Variants in MAPK9 observed in about 807,000 individuals in gnomAD.
MAPK9 encodes mitogen-activated protein kinase 9.
MAPK9 carries 30 observed loss-of-function variants against 57.1 expected under a neutral mutation model. The ratio of observed to expected loss-of-function variants is 0.53; its 90% confidence interval spans 0.39 to 0.71. The LOEUF (loss-of-function observed/expected upper bound fraction) is 0.71. Among genes scored for constraint, MAPK9 ranks in the 30% least tolerant of loss-of-function variants. MAPK9 has a pLI of 0.00. For synonymous variants in MAPK9, 155 were observed against 177.0 expected (o/e 0.88, Z 0.99); for missense variants, 362 against 521.0 (o/e 0.69, Z 2.97).
At chr5:180,282,214 A>G (rs779366055) in intron 1 of MAPK9, among the ~76,000 whole-genome samples, 9 of 152,204 alleles carry the variant, frequency 5.9e-5, no homozygotes, top group Non-Finnish European at 1.2e-4. Flanking sequence ...CATTTTACTG[A>G]TATCTAAAGG....
intron 11 of MAPK9, 163 bp from the exon 12 acceptor site, chr5:180,236,689 C>T: frequency 1.7e-6 from 1 of 596,268 alleles, no homozygotes; most frequent in East Asian, 3.1e-5. Flanking sequence ...CTGAACTTTT[C>T]CTTGAGTCTT....
At chr5:180,267,480 T>C (rs113438372) in intron 3 of MAPK9, among the ~76,000 whole-genome samples, 2 of 143,706 alleles carry the variant, frequency 1.4e-5, no homozygotes, top group Non-Finnish European at 3.0e-5. Context: ...GAGAATGGCG[T>C]GAACCTGGGA....
intron 3 of MAPK9, among the ~76,000 whole-genome samples, chr5:180,267,479 G>C (rs1042965632): frequency 6.6e-6 from 1 of 150,620 alleles, no homozygotes; most frequent in African/African-American, 2.4e-5. Flanking sequence ...GGAGAATGGC[G>C]TGAACCTGGG....
chr5:180,244,961 T>C (rs1174106104), intron 7 of MAPK9, among the ~76,000 whole-genome samples: 1 of 152,090 alleles, frequency 6.6e-6, no homozygotes, highest in Non-Finnish European at 1.5e-5. Context: ...CCCGTCCTCA[T>C]CTCCTCATGT....
chr5:180,246,677 TG>T (rs1277989820), intron 7 of MAPK9: 2 of 152,200 alleles, frequency 1.3e-5, no homozygotes, highest in Non-Finnish European at 2.9e-5. Context: ...ATACTGAGGA[TG>T]GAAGAATGGC....
At chr5:180,276,998 T>C (rs923870168) in intron 2 of MAPK9, among the ~76,000 whole-genome samples, 5 of 152,226 alleles carry the variant, frequency 3.3e-5, no homozygotes, top group Non-Finnish European at 5.9e-5. Context: ...TTCTTCTGGC[T>C]CCAGCTCTTC....
rs530453747 is a variant in MAPK9, at chr5:180,245,598, A to G, written c.688+1841T>C. Among the ~76,000 whole-genome samples, 11 of 152,290 alleles carry G rather than the reference A, an allele frequency of 7.2e-5. No individual in the cohort carries two copies. The South Asian group carries it at 2.3e-3, about 32-fold the overall frequency. The stretch of plus-strand genomic sequence containing the variant: ...ATGAGAGGGACGGGGGAAGGGGAAC[A>G]ATAATTCCGACAAGCCCAGTGGACC... On this transcript the variant is annotated intron_variant, in intron 7 of 11. Transcript: ENST00000452135.
rs369753241 is a variant in MAPK9, at chr5:180,247,425, G to A, written c.688+14C>T. 10 of 1,614,044 alleles carry A rather than the reference G, an allele frequency of 6.2e-6. No homozygotes were observed. Among genetic ancestry groups the A allele is most frequent in the African/African-American group, 5.3e-5 (4 of 74,924 alleles). On this transcript the variant is annotated intron_variant, in intron 7 of 11. Coordinates refer to ENST00000452135, the MANE Select transcript of MAPK9 (RefSeq NM_002752.5). This position sits in a 1 kb window ranked among gnomAD's most constrained non-coding sequence, Gnocchi z 4.5. ...AAGAAAGCATGGCGGGGCCAAGGTC[G>A]CGGGGAAGGATACGGTCAGTGCCTT...
rs369319478 is a variant in MAPK9, at chr5:180,269,370, G to T, written c.162C>A (p.Val54=). 3.0e-5 allele frequency: 48 copies of T among 1,613,920 alleles called. No individual in the cohort carries two copies. The highest frequency in any genetic ancestry group is 3.8e-5 in the Non-Finnish European group (45 of 1,179,910). The change falls in exon 3 of 12, where the codon GTC becomes GTA. Residue 54 remains valine (V), a synonymous_variant. Coordinates refer to ENST00000452135, the MANE Select transcript of MAPK9 (RefSeq NM_002752.5). ...FDTVLGINVA[V]KKLSRPFQNQ... ...TCTGAAAAGGACGGCTTAGTTTCTT[G>T]ACTGCAACATTTATCCCAAGAACTG...
chr5:180,249,403 C>G (rs954426588), intron 5 of MAPK9, among the ~76,000 whole-genome samples: 1 of 152,050 alleles, frequency 6.6e-6, no homozygotes, highest in Non-Finnish European at 1.5e-5. Context: ...CTCAGGCTGT[C>G]CTATCTACCC....
Position 180,236,316 on chromosome 5 carries a change from C to T in MAPK9, c.*68G>A, listed in dbSNP as rs1757167378. The T allele has an allele frequency of 6.6e-7, 1 of 1,511,548 alleles. No homozygotes were observed. The highest frequency in any genetic ancestry group is 1.4e-5 in the African/African-American group (1 of 72,230). 93.6% of individuals were successfully genotyped at this position (1,511,548 alleles called of 1,614,324 possible). A position where few individuals can be genotyped will look rare whatever the true frequency, so the allele number is the denominator to read the frequency against. ...GTTTTTCTATTTGGTTCCATCAACT[C>T]CCAAGCATTTCAGGCCCACGGAGGT... is the stretch of plus-strand genomic sequence containing the variant. On this transcript the variant is annotated 3_prime_UTR_variant, in exon 12 of 12. Coordinates refer to ENST00000452135, the MANE Select transcript of MAPK9 (RefSeq NM_002752.5).
intron 5 of MAPK9, among the ~76,000 whole-genome samples, chr5:180,257,245 C>T (rs1759384698): frequency 6.6e-6 from 1 of 152,158 alleles, no homozygotes; most frequent in African/African-American, 2.4e-5. Flanking sequence ...GTGGGCTCTA[C>T]CCCCAAGGGA....
Position 180,236,301 on chromosome 5 carries a change from T to A in MAPK9, c.*83A>T. 1 of 1,427,742 alleles carries A rather than the reference T, an allele frequency of 7.0e-7. No homozygotes were observed. The highest frequency in any genetic ancestry group is 1.5e-5 in the South Asian group (1 of 68,270). The allele number at this position is 1,427,742 out of a possible 1,614,324, so 88.4% of individuals were successfully genotyped here. Reference sequence around the variant, plus strand: ...CATGCAGAACATGGAGTTTTTCTATTTGGTTCCATCAACTCCCAAGCATTT... The same window carrying A: ...CATGCAGAACATGGAGTTTTTCTATATGGTTCCATCAACTCCCAAGCATTT... On this transcript the variant is annotated 3_prime_UTR_variant, in exon 12 of 12. Transcript: ENST00000452135.
At chr5:180,237,123 T>C (rs957348775) in intron 11 of MAPK9, 5 of 152,206 alleles carry the variant, frequency 3.3e-5, no homozygotes, top group African/African-American at 9.6e-5. Context: ...CTTCCTACTA[T>C]CCATATTTTA....
chr5:180,279,237 T>C (rs1762099287), intron 2 of MAPK9, among the ~76,000 whole-genome samples: 1 of 152,192 alleles, frequency 6.6e-6, no homozygotes. Flanking sequence ...ATTACAGGCG[T>C]GAGCCACCGT....
intron 2 of MAPK9, 49 bp downstream of exon 2, chr5:180,280,391 T>C: frequency 6.3e-7 from 1 of 1,582,208 alleles, no homozygotes; most frequent in Non-Finnish European, 8.6e-7. Context: ...GTTTTACTTT[T>C]TATTACAGCA....
In MAPK9 at chr5:180,249,153, G is replaced by C. The variant is rs1159143470; in HGVS notation, c.451-15C>G. On this transcript the variant is annotated splice_polypyrimidine_tract_variant and intron_variant, in intron 5 of 11. Transcript: ENST00000452135. ...GGCTTCAAATCCTAGGAAAGAAATG[G>C]CTTAAATTAGTAAAATGAATGAAGC... 1 of 1,596,608 alleles carries C rather than the reference G, an allele frequency of 6.3e-7. No homozygotes were observed. Among genetic ancestry groups the C allele is most frequent in the Non-Finnish European group, 8.5e-7 (1 of 1,170,692 alleles).
At chr5:180,242,481 C>A in intron 8 of MAPK9, 92 bp downstream of exon 8, 1 of 1,272,810 alleles carries the variant, frequency 7.9e-7, no homozygotes, top group Non-Finnish European at 1.1e-6. Context: ...ACTTTCTCTC[C>A]CAAAACACAG....
At chr5:180,245,794 C>G (rs995110200) in intron 7 of MAPK9, among the ~76,000 whole-genome samples, 1 of 152,176 alleles carries the variant, frequency 6.6e-6, no homozygotes, top group Non-Finnish European at 1.5e-5. Context: ...TCTCATAGAC[C>G]ACCGCAGGGA....
Sources: gnomAD v4.1 joint callset for allele counts (sites outside exome capture counted in the v4.1 genomes callset) on GRCh38, gnomAD v4.1.1 for gene constraint, Gnocchi (gnomAD v3.1) non-coding constraint, MANE v1.5 for transcripts, NCBI Gene and HGNC (gene_info 2026-07-23, HGNC 2026-07-21) for gene names.